CNGA3: variants seen among roughly 807,000 people sequenced by gnomAD.
CNGA3 encodes cyclic nucleotide-gated channel alpha-3.
Under a neutral mutation model 46.6 loss-of-function variants are expected in CNGA3, and 42 were observed. That is an observed-to-expected ratio of 0.90 (90% confidence interval 0.70 to 1.17). The LOEUF is 1.17. CNGA3 is among the 50% of genes most tolerant of loss of function. The probability of loss-of-function intolerance (pLI) is 0.00; values close to 1 mark genes in which losing one functional copy is unlikely to be tolerated. For missense variants in CNGA3, 893 were observed against 890.7 expected (o/e 1.00, Z -0.03); for synonymous variants, 394 against 369.4 (o/e 1.07, Z -0.76).
chr2:98,364,910 C>A (rs572420275), intron 1 of CNGA3, among the ~76,000 whole-genome samples: 11 of 152,228 alleles, frequency 7.2e-5, no homozygotes, highest in African/African-American at 2.6e-4. Context: ...GTTGCAAATT[C>A]TTTTCTTTAA....
intron 2 of CNGA3, among the ~76,000 whole-genome samples, chr2:98,375,568 G>A (rs575371366): frequency 4.1e-4 from 62 of 152,338 alleles, no homozygotes; most frequent in African/African-American, 1.3e-3. Context: ...GACTGCAGCA[G>A]GGTCTCTGAC....
At chr2:98,386,352 T>C (rs1692653422) in intron 5 of CNGA3, among the ~76,000 whole-genome samples, 1 of 152,230 alleles carries the variant, frequency 6.6e-6, no homozygotes, top group South Asian at 2.1e-4. Flanking sequence ...CTAATTCCCA[T>C]GTGTCGGGAC....
At chr2:98,383,732 T>A (rs1347430518) in intron 5 of CNGA3, among the ~76,000 whole-genome samples, 1 of 152,204 alleles carries the variant, frequency 6.6e-6, no homozygotes, top group Admixed American at 6.5e-5. Flanking sequence ...GCTTTAGCAC[T>A]CTATACCACG....
At chr2:98,390,956 G>A (rs1692771986) in intron 6 of CNGA3, among the ~76,000 whole-genome samples, 1 of 152,210 alleles carries the variant, frequency 6.6e-6, no homozygotes, top group African/African-American at 2.4e-5. Flanking sequence ...TCCGGAGCCA[G>A]TATGCAAAAT....
intron 1 of CNGA3, among the ~76,000 whole-genome samples, chr2:98,358,360 A>T (rs1427495954): frequency 6.6e-6 from 1 of 152,224 alleles, no homozygotes; most frequent in Non-Finnish European, 1.5e-5. Context: ...CCAACTTGCA[A>T]CCTCTAATGA....
chr2:98,377,024 A>G (rs1692419178), intron 2 of CNGA3, among the ~76,000 whole-genome samples: 1 of 152,172 alleles, frequency 6.6e-6, no homozygotes, highest in Non-Finnish European at 1.5e-5. Context: ...TCTGCCTTGC[A>G]GGAGAGAGAG....
chr2:98,358,571 A>G (rs1285213636), intron 1 of CNGA3, among the ~76,000 whole-genome samples: 3 of 152,262 alleles, frequency 2.0e-5, no homozygotes, highest in Non-Finnish European at 4.4e-5. Context: ...AAAAATTCAT[A>G]CTGTAGTAAA....
intron 3 of CNGA3, 174 bp from the exon 4 acceptor site, chr2:98,380,001 A>C: frequency 1.4e-6 from 1 of 729,252 alleles, no homozygotes; most frequent in Non-Finnish European, 2.3e-6. Context: ...GCAGAGATGC[A>C]AACTTAGACC....
intron 1 of CNGA3, among the ~76,000 whole-genome samples, chr2:98,367,167 G>GTTTATTTTCCTTTTTTTTTTTTTTT (rs751611132): frequency 9.8e-6 from 1 of 101,588 alleles, no homozygotes. Flanking sequence ...GACATCAGCT[G>GTTTATTTTCCTTTTTTTTTTTTTTT]TTTTTTTTCT....
intron 4 of CNGA3, 151 bp downstream of exon 4, chr2:98,380,505 G>A: frequency 9.7e-7 from 1 of 1,028,410 alleles, no homozygotes; most frequent in Non-Finnish European, 1.4e-6. Context: ...TGCCCTTGGG[G>A]GAGCACTACA....
chr2:98,377,887 T>C, intron 3 of CNGA3, 87 bp downstream of exon 3: 1 of 1,356,014 alleles, frequency 7.4e-7, no homozygotes, highest in East Asian at 2.5e-5. Flanking sequence ...AAGTGCTAGA[T>C]GGGGGTGGAG....
chr2:98,371,513 C>T (rs989894781), intron 2 of CNGA3, among the ~76,000 whole-genome samples: 12 of 152,154 alleles, frequency 7.9e-5, no homozygotes, highest in South Asian at 2.1e-4. Flanking sequence ...TCTGAGATTT[C>T]GGCAATGGAA....
At chr2:98,364,654 A>G (rs1692105910) in intron 1 of CNGA3, among the ~76,000 whole-genome samples, 1 of 152,230 alleles carries the variant, frequency 6.6e-6, no homozygotes, top group Non-Finnish European at 1.5e-5. Context: ...TGACCCTGTC[A>G]TCATGATGTC....
Position 98,355,080 on chromosome 2 carries a change from G to A in CNGA3, c.-38+8546G>A, listed in dbSNP as rs1393337769. Among the ~76,000 whole-genome samples the A allele has an allele frequency of 2.0e-5, 3 of 152,258 alleles. No homozygotes were observed. The South Asian group carries it at 6.2e-4, about 32-fold the overall frequency. On this transcript the variant is annotated intron_variant, in intron 1 of 7. Coordinates refer to ENST00000272602, the MANE Select transcript of CNGA3 (RefSeq NM_001298.3). ...TTCATGAGATGATTATGAGGTCTTTGCCCTTTATTCTATTAGGAGGGAGTA... is the reference window on the plus strand; with the variant it reads ...TTCATGAGATGATTATGAGGTCTTTACCCTTTATTCTATTAGGAGGGAGTA...
At position 98,396,360 on chromosome 2, in the gene CNGA3, G is replaced by T. The variant is rs1558820319; in HGVS notation, c.1190G>T (p.Gly397Val). The change falls in exon 8 of 8, where the codon GGC (glycine) becomes GTC (valine). Residue 397 changes from glycine (G) to valine (V), a missense_variant. Gly to Val is a moderately radical substitution (Grantham distance 109). Transcript: ENST00000272602. ...GTTCTGATTTTTGCCACCATTGTGG[G>T]CAATGTGGGCTCCATGATCTCGAAT... ...VGVLIFATIVGNVGSMISNMN... is the reference protein window; with the variant it reads ...VGVLIFATIVVNVGSMISNMN... 1 of 1,613,258 alleles carries T rather than the reference G, an allele frequency of 6.2e-7. No homozygotes were observed. The highest frequency in any genetic ancestry group is 1.7e-4 in the Middle Eastern group (1 of 6,060).
Position 98,398,495 on chromosome 2 carries a change from C to G in CNGA3, c.*1240C>G, listed in dbSNP as rs886056495. On this transcript the variant is annotated 3_prime_UTR_variant, in exon 8 of 8. Coordinates refer to ENST00000272602, the MANE Select transcript of CNGA3 (RefSeq NM_001298.3). ...TTCTTCCTTCTTTCTTCCTTTTTCTCTCTCCTCTTTTCCTCCTCAAAATGT... is the reference window on the plus strand; with the variant it reads ...TTCTTCCTTCTTTCTTCCTTTTTCTGTCTCCTCTTTTCCTCCTCAAAATGT... 2 of 151,178 alleles carry G rather than the reference C, an allele frequency of 1.3e-5. No homozygotes were observed. Among genetic ancestry groups the G allele is most frequent in the African/African-American group, 4.9e-5 (2 of 41,082 alleles). 9.4% of individuals were successfully genotyped at this position (151,178 alleles called of 1,614,324 possible).
intron 4 of CNGA3, among the ~76,000 whole-genome samples, 163 bp downstream of exon 4, chr2:98,380,517 G>T (rs1449014886): frequency 6.6e-6 from 1 of 152,172 alleles, no homozygotes; most frequent in Non-Finnish European, 1.5e-5. Context: ...AGCACTACAT[G>T]CTCTAACAGC....
Position 98,370,088 on chromosome 2 carries a change from T to C in CNGA3, c.101+12T>C. ...AATGGCCTCAGCAGGTAAGATGGGCTAAGATGGGCTTTTCATTTTATGCCT... is the reference window on the plus strand; with the variant it reads ...AATGGCCTCAGCAGGTAAGATGGGCCAAGATGGGCTTTTCATTTTATGCCT... On this transcript the variant is annotated intron_variant, in intron 2 of 7. Coordinates refer to ENST00000272602, the MANE Select transcript of CNGA3 (RefSeq NM_001298.3). 1 of 1,587,130 alleles carries C rather than the reference T, an allele frequency of 6.3e-7. No individual in the cohort carries two copies. Among genetic ancestry groups the C allele is most frequent in the Non-Finnish European group, 8.6e-7 (1 of 1,156,336 alleles).
rs572863815 is a variant in CNGA3, at chr2:98,384,805, G to A, written c.449+1364G>A. 1.8e-3 allele frequency among the ~76,000 whole-genome samples: 270 copies of A among 152,246 alleles called. 2 individuals are homozygous for A. Among genetic ancestry groups the A allele is most frequent in the African/African-American group, 5.8e-3 (239 of 41,540 alleles). ...GTGGGCAAGGATGTGGGTGGATAGC[G>A]TGGGCTGCACCCGGCTCTTCAATCT... On this transcript the variant is annotated intron_variant, in intron 5 of 7. Coordinates refer to ENST00000272602, the MANE Select transcript of CNGA3 (RefSeq NM_001298.3).
Sources: allele counts gnomAD v4.1 joint callset (sites outside exome capture counted in the v4.1 genomes callset), GRCh38; gene constraint gnomAD v4.1.1; transcripts MANE v1.5; gene names NCBI Gene and HGNC (gene_info 2026-07-23, HGNC 2026-07-21).